The following ABCA10 variants were observed in gnomAD, a reference collection of about 807,000 sequenced individuals.
The protein encoded by ABCA10 is ATP binding cassette subfamily A member 10.
In ABCA10, 169 loss-of-function variants were observed where a neutral mutation model predicts 187.5. That is an observed-to-expected ratio of 0.90 (90% CI 0.80 to 1.02). The LOEUF is 1.02. ABCA10 is among the 50% of genes least tolerant of loss of function. ABCA10 has a pLI of 0.00. For synonymous variants in ABCA10, 574 were observed against 601.8 expected, an observed-to-expected ratio of 0.95 and a Z score of 0.68; for missense variants, 1,727 against 1,812.4, an observed-to-expected ratio of 0.95 and a Z score of 0.86.
At chr17:69,167,295 T>A (rs910173492) in intron 25 of ABCA10, among the ~76,000 whole-genome samples, 5 of 152,134 alleles carry the variant, frequency 3.3e-5, no homozygotes, top group Admixed American at 6.6e-5. Context: ...TTACACACAG[T>A]ACTCTATGGA....
chr17:69,209,795 C>T (rs1289102219), intron 9 of ABCA10, among the ~76,000 whole-genome samples: 3 of 152,132 alleles, frequency 2.0e-5, no homozygotes, highest in African/African-American at 7.2e-5. Flanking sequence ...TGTGGTAGCC[C>T]ATGGCTCCTA....
chr17:69,162,661 T>C (rs1357955844), intron 27 of ABCA10, among the ~76,000 whole-genome samples: 3 of 152,108 alleles, frequency 2.0e-5, no homozygotes, highest in African/African-American at 4.8e-5. Flanking sequence ...TGGCACCCAT[T>C]TTTGTTCAGT....
intron 22 of ABCA10, among the ~76,000 whole-genome samples, chr17:69,178,613 G>T (rs574597100): frequency 7.2e-5 from 11 of 152,296 alleles, no homozygotes; most frequent in Admixed American, 5.2e-4. Flanking sequence ...GTGTCCCTGA[G>T]AAAGGATGTT....
rs554382282 is a variant in ABCA10, at chr17:69,170,068, A to G, written c.3162+4213T>C. ...TTTGGGAGGCCAAGGTAGGCGGGTCACCTGAGGTCAGGAGTTCAAGACCAG... is the reference window on the plus strand; with the variant it reads ...TTTGGGAGGCCAAGGTAGGCGGGTCGCCTGAGGTCAGGAGTTCAAGACCAG... On this transcript the variant is annotated intron_variant, in intron 25 of 38. Transcript: ENST00000690296. Among the ~76,000 whole-genome samples the G allele has an allele frequency of 1.4e-3, 206 of 152,194 alleles. No homozygotes were observed. The Middle Eastern group carries it at 0.02, about 15-fold the overall frequency.
At chr17:69,167,395 A>G (rs1019703325) in intron 25 of ABCA10, among the ~76,000 whole-genome samples, 2 of 152,236 alleles carry the variant, frequency 1.3e-5, no homozygotes, top group Admixed American at 1.3e-4. Flanking sequence ...CCATTGTTAT[A>G]GAAAGAGCTG....
rs1482535835 is a variant in ABCA10 at position 69,152,522 on chromosome 17, T to C, written c.4137-41A>G. On this transcript the variant is annotated intron_variant, in intron 34 of 38. Transcript: ENST00000690296. ...GGGATTGTTTGCATTTAGAAAGTAA[T>C]TTGGGGAAATAGATAAATAGAAAAA... 1.9e-6 allele frequency: 3 copies of C among 1,572,510 alleles called. No individual in the cohort carries two copies. The African/African-American group carries it at 4.1e-5, about 22-fold the overall frequency.
At chr17:69,210,660 C>T (rs1163959572) in intron 9 of ABCA10, among the ~76,000 whole-genome samples, 2 of 151,776 alleles carry the variant, frequency 1.3e-5, no homozygotes, top group African/African-American at 4.9e-5. Flanking sequence ...TAAGCAAGAG[C>T]ATATGATGTT....
At position 69,194,495 on chromosome 17, in the gene ABCA10, C is replaced by T. The variant is rs772059657; in HGVS notation, c.1235G>A (p.Gly412Asp). The change falls in exon 12 of 39, where the codon GGC becomes GAC. Residue 412 changes from glycine (G) to aspartate (D), a missense_variant and splice_region_variant. Coordinates refer to ENST00000690296, the MANE Select transcript of ABCA10 (RefSeq NM_001377321.1). ...GKTGKVEALQ[G>D]IFFDIYEGQI... The stretch of plus-strand genomic sequence containing the variant: ...TCCTTCATATATGTCAAAAAATATG[C>T]CTGTTTTAGAATAAAAAGTGGAAAT... 6 of 1,591,236 alleles carry T rather than the reference C, an allele frequency of 3.8e-6. No individual in the cohort carries two copies. Among genetic ancestry groups the T allele is most frequent in the Admixed American group, 1.8e-5 (1 of 56,970 alleles).
intron 25 of ABCA10, among the ~76,000 whole-genome samples, chr17:69,173,074 C>A (rs930962570): frequency 6.6e-6 from 1 of 151,962 alleles, no homozygotes; most frequent in Admixed American, 6.6e-5. Flanking sequence ...CTATACAAAG[C>A]AAAATTGGAT....
At chr17:69,195,808 T>C (rs1402032091) in intron 11 of ABCA10, among the ~76,000 whole-genome samples, 2 of 151,918 alleles carry the variant, frequency 1.3e-5, no homozygotes, top group Non-Finnish European at 2.9e-5. Flanking sequence ...AAAGCACATC[T>C]TGCACCGCCC....
At chr17:69,154,634 A>G (rs1332072284) in intron 30 of ABCA10, among the ~76,000 whole-genome samples, 2 of 152,100 alleles carry the variant, frequency 1.3e-5, no homozygotes, top group Non-Finnish European at 2.9e-5. Flanking sequence ...TATGTTGCCC[A>G]GGCTGGTCTC....
At chr17:69,154,166 T>C (rs376929280) in intron 31 of ABCA10, 69 bp downstream of exon 31, 1 of 1,462,140 alleles carries the variant, frequency 6.8e-7, no homozygotes. Context: ...AGATATTTGA[T>C]TTACTGATAG....
intron 9 of ABCA10, among the ~76,000 whole-genome samples, chr17:69,213,170 G>A (rs551278748): frequency 6.6e-6 from 1 of 152,260 alleles, no homozygotes. Flanking sequence ...CTCCAACCAG[G>A]AGGTGGAACT....
intron 9 of ABCA10, among the ~76,000 whole-genome samples, chr17:69,210,767 G>A (rs897148027): frequency 5.3e-5 from 8 of 149,674 alleles, no homozygotes; most frequent in Non-Finnish European, 1.2e-4. Context: ...TCTTATGGAT[G>A]AGTAGTATTT....
intron 6 of ABCA10, 30 bp from the exon 7 acceptor site, chr17:69,216,388 T>A: frequency 6.3e-7 from 1 of 1,587,066 alleles, no homozygotes; most frequent in Non-Finnish European, 8.6e-7. Context: ...TTAGTTCAAC[T>A]GTCACAAACA....
chr17:69,153,536 C>T lies in ABCA10; in HGVS notation c.3976G>A (p.Ala1326Thr), dbSNP rs752050480. 3.7e-6 allele frequency: 6 copies of T among 1,614,146 alleles called. No homozygotes were observed. Among genetic ancestry groups the T allele is most frequent in the Non-Finnish European group, 5.1e-6 (6 of 1,180,018 alleles). ...TTAAGTTGTTCCTGGAGCTTAAGAGCTTCCACCAATCTGACAAAAAACAGT... is the reference window on the plus strand; with the variant it reads ...TTAAGTTGTTCCTGGAGCTTAAGAGTTTCCACCAATCTGACAAAAAACAGT... The part of the protein sequence containing the change: ...AALSISRLVE[A>T]LKLQEQLKAP... Residue 1326 changes from alanine (A) to threonine (T), a missense_variant, in exon 33 of 39, where the codon GCT (alanine) becomes ACT (threonine). Coordinates refer to ENST00000690296, the MANE Select transcript of ABCA10 (RefSeq NM_001377321.1).
intron 22 of ABCA10, among the ~76,000 whole-genome samples, chr17:69,177,971 A>T (rs28591215): frequency 0.15 from 8,296 of 55,100 alleles, 1,176 homozygotes; most frequent in African/African-American, 0.3. Flanking sequence ...AAAAAAAAAA[A>T]AAATATATAT....
intron 9 of ABCA10, among the ~76,000 whole-genome samples, chr17:69,207,999 T>C (rs1352577806): frequency 6.6e-6 from 1 of 152,234 alleles, no homozygotes; most frequent in Non-Finnish European, 1.5e-5. Context: ...TCACAATGTA[T>C]ACTATTTCAA....
chr17:69,156,616 A>G (rs1004593502), intron 28 of ABCA10, among the ~76,000 whole-genome samples: 4 of 152,184 alleles, frequency 2.6e-5, no homozygotes, highest in African/African-American at 9.6e-5. Flanking sequence ...GCAATATAGC[A>G]AGATCCTGTC....
Sources: allele counts gnomAD v4.1 joint callset (sites outside exome capture counted in the v4.1 genomes callset), GRCh38; gene constraint gnomAD v4.1.1; transcripts MANE v1.5; gene names NCBI Gene and HGNC (gene_info 2026-07-23, HGNC 2026-07-21).